Variants in TMEM114 observed in about 807,000 individuals in gnomAD.
TMEM114 encodes the protein transmembrane protein 114.
In TMEM114, 6 loss-of-function variants were observed where a neutral mutation model predicts 6.2. That is an observed-to-expected ratio of 0.97 (90% CI 0.53 to 1.91). The LOEUF is 1.91. TMEM114 is among the 40% of genes most tolerant of loss of function. The pLI is 0.01. For missense variants in TMEM114, 218 were observed against 158.3 expected, an observed-to-expected ratio of 1.38 and a Z score of -2.02; for synonymous variants, 104 against 73.0, an observed-to-expected ratio of 1.42 and a Z score of -2.16.
intron 2 of TMEM114, among the ~76,000 whole-genome samples, chr16:8,549,950 A>G (rs1427623807): frequency 6.6e-6 from 1 of 152,224 alleles, no homozygotes; most frequent in East Asian, 1.9e-4. Context: ...CCGAGTCCCA[A>G]AACCTCAAAA....
At chr16:8,536,696 T>C (rs1900370668), downstream of TMEM114, among the ~76,000 whole-genome samples, 1 of 152,022 alleles carries the variant, frequency 6.6e-6, no homozygotes, top group Non-Finnish European at 1.5e-5. Context: ...TTGTTTTGGG[T>C]TTTTTGCTTC....
intron 2 of TMEM114, among the ~76,000 whole-genome samples, chr16:8,576,166 C>T (rs781733627): frequency 9.2e-5 from 14 of 152,212 alleles, no homozygotes; most frequent in Non-Finnish European, 1.9e-4. Flanking sequence ...AAATATCAAA[C>T]GCCTCCTTCT....
chr16:8,564,073 G>A lies in TMEM114; in HGVS notation n.212+25140C>T, dbSNP rs1218839707. The stretch of plus-strand genomic sequence containing the variant: ...AGTGAATGAGTAAATGAGTGAGTGA[G>A]TGCATGAATGAGTGAGTGAGTGAAT... On this transcript the variant is annotated intron_variant and non_coding_transcript_variant, in intron 2 of 2. Transcript: ENST00000623677. Among the ~76,000 whole-genome samples, 4 of 148,366 alleles carry A rather than the reference G, an allele frequency of 2.7e-5. No individual in the cohort carries two copies. The East Asian group carries it at 7.8e-4, about 29-fold the overall frequency.
chr16:8,535,495 C>CCATA (rs1900329242), downstream of TMEM114, among the ~76,000 whole-genome samples: 1 of 151,766 alleles, frequency 6.6e-6, no homozygotes, highest in Non-Finnish European at 1.5e-5. Context: ...AGTTTGGGGT[C>CCATA]CATAGCACAA....
chr16:8,543,671 T>G (rs558528321), intron 2 of TMEM114, among the ~76,000 whole-genome samples: 31 of 152,308 alleles, frequency 2.0e-4, no homozygotes, highest in Admixed American at 4.6e-4. Context: ...TCCTAGAGCC[T>G]CCTGACCTTT....
intron 2 of TMEM114, among the ~76,000 whole-genome samples, chr16:8,577,020 T>A (rs982818887): frequency 6.6e-6 from 1 of 152,134 alleles, no homozygotes; most frequent in African/African-American, 2.4e-5. Context: ...GGCAGTAAAT[T>A]TTAAAGGAAA....
chr16:8,536,532 G>C (rs553231208), downstream of TMEM114, among the ~76,000 whole-genome samples: 1 of 152,142 alleles, frequency 6.6e-6, no homozygotes, highest in Non-Finnish European at 1.5e-5. Context: ...ACTAAAATCA[G>C]CTCAAGTAAT....
chr16:8,560,495 G>C (rs1178737821), intron 2 of TMEM114, among the ~76,000 whole-genome samples: 1 of 152,196 alleles, frequency 6.6e-6, no homozygotes, highest in East Asian at 1.9e-4. Context: ...TCAGCGACTA[G>C]GGGCTGGGCA....
intron 2 of TMEM114, among the ~76,000 whole-genome samples, chr16:8,552,456 T>A (rs1406437013): frequency 6.6e-6 from 1 of 151,944 alleles, no homozygotes; most frequent in African/African-American, 2.4e-5. Flanking sequence ...AAGGTCTGCT[T>A]CATGATTGTG....
chr16:8,560,141 C>T (rs1367354025), intron 2 of TMEM114, among the ~76,000 whole-genome samples: 5 of 152,036 alleles, frequency 3.3e-5, no homozygotes, highest in African/African-American at 1.2e-4. Context: ...TACAGGTGCA[C>T]ACCACCATAC....
At chr16:8,562,270 G>A (rs1251357000) in intron 2 of TMEM114, among the ~76,000 whole-genome samples, 2 of 122,034 alleles carry the variant, frequency 1.6e-5, no homozygotes, top group East Asian at 5.1e-4. Flanking sequence ...GTGAGGGAGG[G>A]AGGGAATGAG....
At chr16:8,564,119 G>C (rs575119245) in intron 2 of TMEM114, among the ~76,000 whole-genome samples, 24 of 151,462 alleles carry the variant, frequency 1.6e-4, no homozygotes, top group Non-Finnish European at 3.2e-4. Flanking sequence ...ATAAGTAAGT[G>C]AATGAGTGAG....
At chr16:8,542,771 A>G (rs1042003194) in intron 2 of TMEM114, among the ~76,000 whole-genome samples, 1 of 152,090 alleles carries the variant, frequency 6.6e-6, no homozygotes, top group African/African-American at 2.4e-5. Flanking sequence ...GAACTGGGAT[A>G]TTTCCAACCA....
chr16:8,578,405 A>G (rs1280510048), intron 2 of TMEM114, among the ~76,000 whole-genome samples: 1 of 151,760 alleles, frequency 6.6e-6, no homozygotes, highest in East Asian at 1.9e-4. Flanking sequence ...TCCAATCCCT[A>G]CCTCCATCCA....
At chr16:8,577,938 CT>C (rs371679449) in intron 2 of TMEM114, among the ~76,000 whole-genome samples, 61 of 152,268 alleles carry the variant, frequency 4.0e-4, no homozygotes, top group African/African-American at 1.3e-3. Flanking sequence ...AAACAAATGC[CT>C]TTGGGTCCCC....
exon 3 of TMEM114, chr16:8,537,718 T>C (rs193030291): frequency 1.3e-5 from 2 of 152,190 alleles, no homozygotes; most frequent in African/African-American, 4.8e-5. Flanking sequence ...CATTCTGTTT[T>C]ATACCAGGAA....
chr16:8,569,451 A>C, downstream of TMEM114: 2 of 1,162,810 alleles, frequency 1.7e-6, no homozygotes, highest in Non-Finnish European at 2.1e-6. Flanking sequence ...GTGAGGAGGA[A>C]ATGAAGTCGG....
At chr16:8,569,089 C>T (rs775947047), downstream of TMEM114, among the ~76,000 whole-genome samples, 4 of 152,126 alleles carry the variant, frequency 2.6e-5, no homozygotes, top group African/African-American at 7.2e-5. Context: ...GAGTCTGGGG[C>T]GCGCTAAATG....
downstream of TMEM114, among the ~76,000 whole-genome samples, chr16:8,565,356 TA>T (rs1241930078): frequency 2.6e-5 from 4 of 152,126 alleles, no homozygotes; most frequent in African/African-American, 9.7e-5. Context: ...GGCAAGTGAA[TA>T]AATGAATGAG....
Sources: allele counts gnomAD v4.1 joint callset (sites outside exome capture counted in the v4.1 genomes callset), GRCh38; gene constraint gnomAD v4.1.1; transcripts MANE v1.5; gene names NCBI Gene and HGNC (gene_info 2026-07-23, HGNC 2026-07-21).